Variants in KDM4B observed in about 807,000 individuals in gnomAD.
KDM4B encodes the protein lysine demethylase 4B.
Under a neutral mutation model 125.2 loss-of-function variants are expected in KDM4B, and 32 were observed. The observed-to-expected ratio is 0.26, with a 90% CI of 0.19 to 0.34. The LOEUF (loss-of-function observed/expected upper bound fraction) is 0.34. Among genes scored for constraint, KDM4B ranks in the 10% least tolerant of loss-of-function variants. The probability of loss-of-function intolerance (pLI) is 1.00; values close to 1 mark genes in which losing one functional copy is unlikely to be tolerated. For missense variants in KDM4B, 1,190 were observed against 1,577.7 expected (o/e 0.75, Z 4.16); for synonymous variants, 721 against 677.9 (o/e 1.06, Z -0.99).
At position 5,135,358 on chromosome 19, in the gene KDM4B, A is replaced by G. The variant is rs1436440379; in HGVS notation, c.2105A>G (p.Glu702Gly). 1.2e-6 allele frequency: 2 copies of G among 1,612,678 alleles called. No homozygotes were observed. Among genetic ancestry groups the G allele is most frequent in the Admixed American group, 1.7e-5 (1 of 60,012 alleles). Residue 702 changes from glutamate to glycine, a missense_variant, in exon 15 of 23, where the codon GAG becomes GGG. Physicochemically the swap from Glu to Gly is moderately conservative, Grantham distance 98. This residue lies in a region of KDM4B where 128 missense variants were observed against 137.8 expected (regional missense o/e 0.93). Transcript: ENST00000159111. ...CTACAGGCCCTACAGACTGAGAAGG[A>G]GGCACCCATAGCCTCCCTCGGAGAG... ...PYCQALQTEK[E>G]APIASLGEGC...
intron 15 of KDM4B, among the ~76,000 whole-genome samples, chr19:5,136,566 G>T (rs965811415): frequency 6.6e-6 from 1 of 152,150 alleles, no homozygotes; most frequent in Non-Finnish European, 1.5e-5. Context: ...GCTCCCTGGG[G>T]GAAGGGTTGC....
rs540628066 is a variant in KDM4B at position 5,033,780 on chromosome 19, C to T, written c.141+749C>T. On this transcript the variant is annotated intron_variant, in intron 3 of 22. Coordinates refer to ENST00000159111, the MANE Select transcript of KDM4B (RefSeq NM_015015.3). ...TCTCTCTCTCGGCATATTGTGCACG[C>T]GTGTACGTGAATACACACAGCAGAC... Among the ~76,000 whole-genome samples the T allele has an allele frequency of 1.8e-4, 27 of 152,294 alleles. 2 individuals carry two copies. The highest frequency in any genetic ancestry group is 6.0e-4 in the African/African-American group (25 of 41,574).
intron 9 of KDM4B, among the ~76,000 whole-genome samples, chr19:5,089,700 TAAA>T (rs35181412): frequency 1.5e-4 from 22 of 143,600 alleles, no homozygotes; most frequent in East Asian, 4.0e-4. Flanking sequence ...TTTTTTGTAC[TAAA>T]AAAAAAAAAA....
chr19:5,025,565 C>T (rs1367554676), intron 2 of KDM4B, among the ~76,000 whole-genome samples: 2 of 152,208 alleles, frequency 1.3e-5, no homozygotes, highest in Non-Finnish European at 1.5e-5. Context: ...AACCACCTGT[C>T]GGCTTCCCGT....
chr19:5,110,151 A>C (rs1466070384), intron 9 of KDM4B, among the ~76,000 whole-genome samples: 1 of 152,128 alleles, frequency 6.6e-6, no homozygotes, highest in Non-Finnish European at 1.5e-5. Flanking sequence ...CAACTGGGGG[A>C]TGCCGTTTCC....
In KDM4B at chr19:5,082,972, C is replaced by T. The variant is rs542753389; in HGVS notation, c.918+468C>T. Among the ~76,000 whole-genome samples, 2 of 152,290 alleles carry T rather than the reference C, an allele frequency of 1.3e-5. No homozygotes were observed. Among genetic ancestry groups the T allele is most frequent in the South Asian group, 2.1e-4 (1 of 4,834 alleles). On this transcript the variant is annotated intron_variant, in intron 9 of 22. Coordinates refer to ENST00000159111, the MANE Select transcript of KDM4B (RefSeq NM_015015.3). This position sits in a 1 kb window ranked among gnomAD's most constrained non-coding sequence, Gnocchi z 5.4. The stretch of plus-strand genomic sequence containing the variant: ...CAGGAGCCCACTCAGGCATCTGCCC[C>T]CCTCCCTCCCTGCTCCCCTGTCAGT...
intron 11 of KDM4B, among the ~76,000 whole-genome samples, chr19:5,124,103 G>A (rs1012624574): frequency 5.9e-5 from 9 of 152,122 alleles, no homozygotes; most frequent in African/African-American, 1.9e-4. Context: ...GCTGGGGGCT[G>A]TGTGTGGTCT....
At chr19:5,143,724 C>T (rs956358560) in intron 18 of KDM4B, among the ~76,000 whole-genome samples, 1 of 152,124 alleles carries the variant, frequency 6.6e-6, no homozygotes, top group Non-Finnish European at 1.5e-5. Context: ...CAGTGACATG[C>T]AGGGGGGATG....
In KDM4B at chr19:5,115,185, G is replaced by GT. The variant is rs2039231133; in HGVS notation, c.1115+4367_1115+4368insT. On this transcript the variant is annotated intron_variant, in intron 10 of 22. Transcript: ENST00000159111. The surrounding 1 kb of genome is among the most constrained non-coding windows in gnomAD (Gnocchi z 4.2). ...GGGCCACAGAAAGACACAGTGGGCAGACATGGGCAGCTCCTGGAGGGCTGC... is the reference window on the plus strand; with the variant it reads ...GGGCCACAGAAAGACACAGTGGGCAGTACATGGGCAGCTCCTGGAGGGCTGC... Among the ~76,000 whole-genome samples, 1 of 152,030 alleles carries GT rather than the reference G, an allele frequency of 6.6e-6. No homozygotes were observed. Among genetic ancestry groups the GT allele is most frequent in the Non-Finnish European group, 1.5e-5 (1 of 67,986 alleles).
intron 10 of KDM4B, 55 bp from the exon 11 acceptor site, chr19:5,119,598 C>T: frequency 1.3e-6 from 2 of 1,495,856 alleles, no homozygotes; most frequent in Admixed American, 2.0e-5. Context: ...GTGCACAGAC[C>T]TAGGGCTCTT....
intron 11 of KDM4B, among the ~76,000 whole-genome samples, chr19:5,129,864 C>T (rs531719754): frequency 5.9e-5 from 9 of 152,314 alleles, no homozygotes; most frequent in Non-Finnish European, 1.2e-4. Context: ...TGGTCTTCCT[C>T]GAGGACAGGG....
intron 18 of KDM4B, among the ~76,000 whole-genome samples, chr19:5,139,574 C>T (rs993736075): frequency 4.6e-5 from 7 of 152,244 alleles, no homozygotes; most frequent in Non-Finnish European, 7.3e-5. Context: ...TCCCCTCGTC[C>T]TCACTCACAC....
intron 1 of KDM4B, among the ~76,000 whole-genome samples, chr19:4,972,568 A>T (rs2034297965): frequency 6.6e-6 from 1 of 152,104 alleles, no homozygotes; most frequent in Non-Finnish European, 1.5e-5. Flanking sequence ...CACCCACCAG[A>T]TGCTAGTAGC....
intron 6 of KDM4B, among the ~76,000 whole-genome samples, chr19:5,048,796 G>T (rs1006956519): frequency 4.6e-5 from 7 of 152,216 alleles, no homozygotes; most frequent in African/African-American, 1.7e-4. Context: ...GACGCCCATG[G>T]TGTGACCGGG....
At position 5,039,900 on chromosome 19, in the gene KDM4B, C is replaced by T; in HGVS notation, c.206C>T (p.Pro69Leu). ...GATGACATCGACGACGTGGTGATCC[C>T]GGCGCCCATCCAGCAGGTGGTGACG... The part of the protein sequence containing the change: ...TYDDIDDVVI[P>L]APIQQVVTGQ... The change falls in exon 4 of 23, where the codon CCG becomes CTG. Residue 69 changes from proline to leucine, a missense_variant. Pro to Leu is a moderately conservative substitution (Grantham distance 98). Transcript: ENST00000159111. 6.2e-7 allele frequency: 1 copy of T among 1,612,992 alleles called. No homozygotes were observed. The highest frequency in any genetic ancestry group is 8.5e-7 in the Non-Finnish European group (1 of 1,179,918).
At chr19:4,977,988 A>G (rs1376435027) in intron 1 of KDM4B, among the ~76,000 whole-genome samples, 1 of 152,112 alleles carries the variant, frequency 6.6e-6, no homozygotes, top group African/African-American at 2.4e-5. Flanking sequence ...CTAAAATCCC[A>G]TCTGTCAGAC....
At chr19:5,094,140 C>T (rs545235149) in intron 9 of KDM4B, among the ~76,000 whole-genome samples, 1 of 152,340 alleles carries the variant, frequency 6.6e-6, no homozygotes, top group South Asian at 2.1e-4. Context: ...CGCGGCCCCT[C>T]CTCCCTGTCT....
At chr19:5,107,168 G>A (rs963234596) in intron 9 of KDM4B, among the ~76,000 whole-genome samples, 7 of 152,218 alleles carry the variant, frequency 4.6e-5, no homozygotes, top group Non-Finnish European at 7.3e-5. Context: ...CTCTCAGGGC[G>A]GCCTCACCCA....
chr19:5,092,464 A>T (rs1335490932), intron 9 of KDM4B, among the ~76,000 whole-genome samples: 3 of 151,060 alleles, frequency 2.0e-5, no homozygotes, highest in Non-Finnish European at 4.4e-5. Flanking sequence ...GCCCTCTAAT[A>T]CCCCCGGTTC....
Sources: allele counts gnomAD v4.1 joint callset (sites outside exome capture counted in the v4.1 genomes callset), GRCh38; gene constraint gnomAD v4.1.1; regional missense constraint gnomAD v4.1.1; non-coding constraint Gnocchi (gnomAD v3.1); transcripts MANE v1.5; gene names NCBI Gene and HGNC (gene_info 2026-07-23, HGNC 2026-07-21).